The following SLC16A1 variants were observed in gnomAD, a reference collection of about 807,000 sequenced individuals.
The protein encoded by SLC16A1 is monocarboxylate transporter 1.
In SLC16A1, 11 loss-of-function variants were observed where a neutral mutation model predicts 32.2. That is an observed-to-expected ratio of 0.34 (90% CI 0.21 to 0.56). The LOEUF (loss-of-function observed/expected upper bound fraction) is 0.56. SLC16A1 is among the 20% of genes least tolerant of loss of function. The pLI, the probability that SLC16A1 is intolerant of heterozygous loss-of-function variation, is 0.87. For synonymous variants in SLC16A1, 231 were observed against 226.8 expected (o/e 1.02, Z -0.17); for missense variants, 435 against 615.0 (o/e 0.71, Z 3.10).
intron 1 of SLC16A1, among the ~76,000 whole-genome samples, chr1:112,952,952 C>T (rs913772124): frequency 1.3e-5 from 2 of 152,148 alleles, no homozygotes; most frequent in Non-Finnish European, 2.9e-5. Context: ...ACGTCTCTGA[C>T]TTTCCCAGTC....
At chr1:112,924,083 T>C in intron 2 of SLC16A1, 5 of 1,298,428 alleles carry the variant, frequency 3.9e-6, no homozygotes, top group Non-Finnish European at 4.5e-6. Context: ...TCGATGGCAT[T>C]GCCCTGGTAG....
chr1:112,918,939 C>T (rs943648919), intron 3 of SLC16A1, among the ~76,000 whole-genome samples: 1 of 152,098 alleles, frequency 6.6e-6, no homozygotes, highest in Non-Finnish European at 1.5e-5. Flanking sequence ...TTAAAATACA[C>T]ACAAAGTTTT....
At chr1:112,946,527 C>A (rs926368894) in intron 1 of SLC16A1, among the ~76,000 whole-genome samples, 2 of 152,014 alleles carry the variant, frequency 1.3e-5, no homozygotes, top group African/African-American at 4.8e-5. Context: ...GTGAAAGAAG[C>A]AGAAAAGTTT....
At chr1:112,922,964 T>C (rs1462163415) in intron 2 of SLC16A1, among the ~76,000 whole-genome samples, 1 of 151,880 alleles carries the variant, frequency 6.6e-6, no homozygotes, top group East Asian at 2.0e-4. Context: ...CAAGCTGGAG[T>C]GCAGTGGCCT....
intron 1 of SLC16A1, chr1:112,935,923 C>T (rs1649287047): frequency 6.6e-6 from 1 of 152,204 alleles, no homozygotes; most frequent in Non-Finnish European, 1.5e-5. Flanking sequence ...TATCTACTCT[C>T]TTACTCTCCC....
intron 1 of SLC16A1, among the ~76,000 whole-genome samples, chr1:112,947,687 ACTTT>A (rs1224250243): frequency 1.3e-5 from 2 of 152,210 alleles, no homozygotes; most frequent in Non-Finnish European, 2.9e-5. Flanking sequence ...TCTTCTAATA[ACTTT>A]CTAATAACTG....
At chr1:112,915,373 G>T (rs1648465630) in intron 4 of SLC16A1, among the ~76,000 whole-genome samples, 1 of 152,170 alleles carries the variant, frequency 6.6e-6, no homozygotes, top group Admixed American at 6.5e-5. Context: ...AATGGTAGGA[G>T]AGAGCATGGT....
At chr1:112,955,814 C>T (rs1438524980) in intron 1 of SLC16A1, 2 of 152,148 alleles carry the variant, frequency 1.3e-5, no homozygotes, top group Non-Finnish European at 2.9e-5. Flanking sequence ...GGGCCCGCGG[C>T]TCGGCTAAGA....
chr1:112,942,695 G>GTT (rs902586704), intron 1 of SLC16A1, among the ~76,000 whole-genome samples: 1 of 152,170 alleles, frequency 6.6e-6, no homozygotes, highest in Non-Finnish European at 1.5e-5. Flanking sequence ...ATATGCCTGA[G>GTT]TAAGAATCAA....
chr1:112,917,218 A>G lies in SLC16A1; in HGVS notation c.1188T>C (p.Ile396=). 6 of 1,614,184 alleles carry G rather than the reference A, an allele frequency of 3.7e-6. No homozygotes were observed. The highest frequency in any genetic ancestry group is 5.1e-6 in the Non-Finnish European group (6 of 1,180,026). The stretch of plus-strand genomic sequence containing the variant: ...CCAGGAGGACAGGACAGCATTCCAC[A>G]ATGGTCACCAATCCCACAGCGCTGG... The part of the protein sequence containing the change: ...RFSSAVGLVT[I]VECCPVLLGP... The change falls in exon 4 of 5, where the codon ATT becomes ATC. Residue 396 remains isoleucine, a synonymous_variant. Coordinates refer to ENST00000369626, the MANE Select transcript of SLC16A1 (RefSeq NM_003051.4). The surrounding 1 kb of genome is among the most constrained non-coding windows in gnomAD (Gnocchi z 4.1).
At chr1:112,941,730 A>G (rs183150773) in intron 1 of SLC16A1, among the ~76,000 whole-genome samples, 1 of 152,314 alleles carries the variant, frequency 6.6e-6, no homozygotes, top group East Asian at 1.9e-4. Flanking sequence ...GAAAGCTAAC[A>G]TTTGTAACTG....
chr1:112,914,147 T>C lies in SLC16A1; in HGVS notation c.1247A>G (p.Tyr416Cys), dbSNP rs776362431. The change falls in exon 5 of 5, where the codon TAT becomes TGT. Residue 416 changes from tyrosine to cysteine, a missense_variant. By Grantham distance (194) the Tyr-to-Cys change is radical (BLOSUM62 -2). Around this residue, in one of 2 missense-constraint regions of SLC16A1, gnomAD observed 111 missense variants for 114.7 expected, o/e 0.97. Transcript: ENST00000369626. Reference sequence around the variant, plus strand: ...CCAGTATGTGTATTTGTAGTCTCCATACATGTCATTGAGCCGACCTAAATA... The same window carrying C: ...CCAGTATGTGTATTTGTAGTCTCCACACATGTCATTGAGCCGACCTAAATA... ...PPLLGRLNDM[Y>C]GDYKYTYWAC... 12 of 1,614,198 alleles carry C rather than the reference T, an allele frequency of 7.4e-6. No homozygotes were observed. Among genetic ancestry groups the C allele is most frequent in the Non-Finnish European group, 1.7e-6 (2 of 1,180,030 alleles).
intron 1 of SLC16A1, among the ~76,000 whole-genome samples, chr1:112,932,890 G>A (rs1005762528): frequency 2.0e-5 from 3 of 151,230 alleles, no homozygotes; most frequent in Non-Finnish European, 4.4e-5. Flanking sequence ...AAACCCTAAG[G>A]AACATCAAAT....
At chr1:112,943,377 C>T (rs1161539681) in intron 1 of SLC16A1, among the ~76,000 whole-genome samples, 6 of 152,080 alleles carry the variant, frequency 3.9e-5, no homozygotes, top group Admixed American at 3.9e-4. Context: ...ATGGGGTATA[C>T]TTTGTTAGCT....
chr1:112,950,858 A>G (rs932538769), intron 1 of SLC16A1, among the ~76,000 whole-genome samples: 3 of 152,020 alleles, frequency 2.0e-5, no homozygotes, highest in African/African-American at 7.3e-5. Context: ...AAATTAGCTG[A>G]GCATTATGGC....
chr1:112,913,788 TCTA>T lies in SLC16A1; in HGVS notation c.*100_*102del. ...AACTGGTATGATTTCCACACAAATG[TCTA>T]CTATTTGCATTGAGCACCACTGGTA... On this transcript the variant is annotated 3_prime_UTR_variant, in exon 5 of 5. Transcript: ENST00000369626. 7.3e-7 allele frequency: 1 copy of T among 1,368,702 alleles called. No individual in the cohort carries two copies. Among genetic ancestry groups the T allele is most frequent in the Non-Finnish European group, 1.0e-6 (1 of 962,332 alleles). 84.8% of individuals were successfully genotyped at this position (1,368,702 alleles called of 1,614,324 possible).
intron 1 of SLC16A1, among the ~76,000 whole-genome samples, chr1:112,952,721 T>C (rs1187200373): frequency 1.3e-5 from 2 of 152,166 alleles, no homozygotes; most frequent in East Asian, 1.9e-4. Flanking sequence ...AAATTTTCCA[T>C]ACTTAACTGT....
At chr1:112,927,373 T>A (rs1648979089) in intron 2 of SLC16A1, among the ~76,000 whole-genome samples, 1 of 151,706 alleles carries the variant, frequency 6.6e-6, no homozygotes, top group South Asian at 2.1e-4. Flanking sequence ...TTAACAACCA[T>A]CACTGTATAT....
In SLC16A1 at chr1:112,917,128, T is replaced by C. The variant is rs1648540645; in HGVS notation, c.1228+50A>G. On this transcript the variant is annotated intron_variant, in intron 4 of 4. Transcript: ENST00000369626. This position sits in a 1 kb window ranked among gnomAD's most constrained non-coding sequence, Gnocchi z 4.1. ...TTGCTTTCTGTCAGCATTCCCATCT[T>C]ACATGCTTGTTTTGTAATAGACCCA... The C allele has an allele frequency of 1.4e-5, 23 of 1,612,452 alleles. No individual in the cohort carries two copies. Among genetic ancestry groups the C allele is most frequent in the Non-Finnish European group, 1.8e-5 (21 of 1,178,888 alleles).
Sources: allele counts gnomAD v4.1 joint callset (sites outside exome capture counted in the v4.1 genomes callset), GRCh38; gene constraint gnomAD v4.1.1; regional missense constraint gnomAD v4.1.1; non-coding constraint Gnocchi (gnomAD v3.1); transcripts MANE v1.5; gene names NCBI Gene and HGNC (gene_info 2026-07-23, HGNC 2026-07-21).